The following XPA variants were observed in gnomAD, a reference collection of about 807,000 sequenced individuals.
The protein encoded by XPA is XPA, DNA damage recognition and repair factor, also known as DNA repair protein complementing XP-A cells.
A neutral mutation model predicts 35.7 loss-of-function variants in XPA; 27 were observed. The observed-to-expected ratio is 0.76, with a 90% CI of 0.56 to 1.04. The LOEUF is 1.04. XPA is among the 50% of genes least tolerant of loss of function. The probability of loss-of-function intolerance (pLI) is 0.00; values close to 1 mark genes in which losing one functional copy is unlikely to be tolerated. For synonymous variants in XPA, 133 were observed against 118.4 expected, an observed-to-expected ratio of 1.12 and a Z score of -0.80; for missense variants, 354 against 342.7, an observed-to-expected ratio of 1.03 and a Z score of -0.26.
the XPA span, chr9:97,661,919 C>T: frequency 1.9e-6 from 1 of 534,500 alleles, no homozygotes; most frequent in Non-Finnish European, 3.1e-6. Context: ...TTTATTAGAA[C>T]CAAAAAACAT....
At chr9:97,674,885 G>T (rs772451254), downstream of XPA, 2 of 480,440 alleles carry the variant, frequency 4.2e-6, no homozygotes, top group Non-Finnish European at 8.2e-6. Flanking sequence ...CACAATAGAG[G>T]CCCCAAGAGT....
intron 3 of XPA, among the ~76,000 whole-genome samples, chr9:97,688,833 C>A (rs1030024244): frequency 6.6e-6 from 1 of 152,114 alleles, no homozygotes; most frequent in Non-Finnish European, 1.5e-5. Flanking sequence ...GTCCTTCAGG[C>A]AGGTGAGGAG....
the XPA span, among the ~76,000 whole-genome samples, chr9:97,663,905 G>C: frequency 6.6e-6 from 1 of 151,858 alleles, no homozygotes; most frequent in Non-Finnish European, 1.5e-5. Context: ...CAGGCCAGGC[G>C]TGGTGGCTCT....
chr9:97,679,896 A>G (rs927842078), intron 5 of XPA, among the ~76,000 whole-genome samples: 3 of 152,192 alleles, frequency 2.0e-5, no homozygotes, highest in African/African-American at 7.2e-5. Context: ...AAGTATTCCT[A>G]CCAAAAACAT....
At chr9:97,673,679 CA>C (rs1239523697), downstream of XPA, 2 of 152,206 alleles carry the variant, frequency 1.3e-5, no homozygotes, top group Non-Finnish European at 1.5e-5. Context: ...TGTCACTGTA[CA>C]TCATACCTTG....
chr9:97,692,252 T>C (rs965496011), intron 2 of XPA, among the ~76,000 whole-genome samples: 2 of 151,444 alleles, frequency 1.3e-5, no homozygotes, highest in South Asian at 2.1e-4. Flanking sequence ...GATCGCACCA[T>C]TACACTCCAG....
In XPA at chr9:97,684,937, T is replaced by C. The variant is rs573963700; in HGVS notation, c.659A>G (p.Asp220Gly). 1.9e-6 allele frequency: 3 copies of C among 1,613,456 alleles called. No homozygotes were observed. In the South Asian group the frequency reaches 3.3e-5, roughly 18 times the overall value. ...NREKMKQKKF[D>G]KKVKELRRAV... ...TGGCCATCTACCTTTTACTTTTTTA[T>C]CAAATTTCTTCTGTTTCATTTTTTC... Residue 220 changes from aspartate to glycine, a missense_variant, in exon 5 of 6, where the codon GAT (aspartate) becomes GGT (glycine). By Grantham distance (94) the Asp-to-Gly change is moderately conservative. Transcript: ENST00000375128.
chr9:97,658,712 C>G, the XPA span: 23 of 1,611,750 alleles, frequency 1.4e-5, no homozygotes, highest in Admixed American at 3.0e-4. Flanking sequence ...CAAACCCAAC[C>G]TGCATTTACA....
chr9:97,675,351 C>CTTTTTTTTTTTTT lies in XPA; in HGVS notation c.*87_*88insAAAAAAAAAAAAA, dbSNP rs750807332. The CTTTTTTTTTTTTT allele has an allele frequency of 2.5e-6, 3 of 1,187,436 alleles. No individual in the cohort carries two copies. The highest frequency in any genetic ancestry group is 3.4e-6 in the Non-Finnish European group (3 of 870,288). The allele number at this position is 1,187,436 out of a possible 1,614,324, so 73.6% of individuals were successfully genotyped here. On this transcript the variant is annotated 3_prime_UTR_variant, in exon 6 of 6. Coordinates refer to ENST00000375128, the MANE Select transcript of XPA (RefSeq NM_000380.4). ...GTTTCATTCATCTATGAAGATGTTG[C>CTTTTTTTTTTTTT]TTTTTTTTTTGAATTTTGAAAAGGA...
chr9:97,655,192 T>C, the XPA span, among the ~76,000 whole-genome samples: 1 of 152,232 alleles, frequency 6.6e-6, no homozygotes, highest in Non-Finnish European at 1.5e-5. Context: ...CTCTGCCATT[T>C]ATAAAATGTT....
At chr9:97,675,756 AACTT>A (rs548027430) in intron 5 of XPA, 169 bp from the exon 6 acceptor site, 2 of 853,676 alleles carry the variant, frequency 2.3e-6, no homozygotes, top group South Asian at 3.2e-5. Flanking sequence ...AAACTTGGCA[AACTT>A]ACTTTCTTAC....
At chr9:97,668,746 C>A in the XPA span, 1 of 1,336,680 alleles carries the variant, frequency 7.5e-7, no homozygotes, top group Non-Finnish European at 1.0e-6. Flanking sequence ...GAATATAAGT[C>A]TTAACATTTG....
rs1328445396 is a variant in XPA at position 97,683,661 on chromosome 9, G to C, written c.673+1262C>G. ...TAAAATGTTGCTGATGATTGTCTCT[G>C]AGTAGGAAAATCATGCAATAAGAGC... On this transcript the variant is annotated intron_variant, in intron 5 of 5. Coordinates refer to ENST00000375128, the MANE Select transcript of XPA (RefSeq NM_000380.4). Among the ~76,000 whole-genome samples, 6 of 152,108 alleles carry C rather than the reference G, an allele frequency of 3.9e-5. No homozygotes were observed. In the East Asian group the frequency reaches 1.2e-3, roughly 29 times the overall value.
intron 2 of XPA, among the ~76,000 whole-genome samples, chr9:97,692,584 A>G (rs760409550): frequency 7.9e-5 from 12 of 152,230 alleles, no homozygotes; most frequent in African/African-American, 2.4e-4. Context: ...AGAAATACCA[A>G]TTAGGAAGCT....
At chr9:97,655,980 A>T in the XPA span, 1 of 1,579,970 alleles carries the variant, frequency 6.3e-7, no homozygotes, top group East Asian at 2.2e-5. Flanking sequence ...GATTATATGT[A>T]AGCATTGATA....
intron 5 of XPA, among the ~76,000 whole-genome samples, chr9:97,678,096 G>A (rs1350321154): frequency 1.3e-5 from 2 of 152,276 alleles, no homozygotes; most frequent in Middle Eastern, 3.4e-3. Context: ...GCAGAAAGGA[G>A]TGCTCAAGAA....
chr9:97,685,020 T>C lies in XPA; in HGVS notation c.576A>G (p.Glu192=). 1 of 1,613,560 alleles carries C rather than the reference T, an allele frequency of 6.2e-7. No homozygotes were observed. The highest frequency in any genetic ancestry group is 1.1e-5 in the South Asian group (1 of 91,064). ...CTAATGCTTCTTGACTACCCCAAAC[T>C]TCAAGAGACCTCTTCACAATCTACA... The part of the protein sequence containing the change: ...LKLQIVKRSL[E]VWGSQEALEE... Residue 192 remains glutamate (E), a synonymous_variant, in exon 5 of 6, where the codon GAA becomes GAG. Coordinates refer to ENST00000375128, the MANE Select transcript of XPA (RefSeq NM_000380.4).
intron 5 of XPA, among the ~76,000 whole-genome samples, chr9:97,683,510 T>TA (rs1828609808): frequency 1.3e-5 from 2 of 152,188 alleles, no homozygotes; most frequent in Admixed American, 1.3e-4. Context: ...AGTAACTATA[T>TA]AAAAAGATGT....
Position 97,697,175 on chromosome 9 carries a change from G to A in XPA, c.118C>T (p.Gln40Ter). 6.3e-7 allele frequency: 1 copy of A among 1,588,560 alleles called. No individual in the cohort carries two copies. Among genetic ancestry groups the A allele is most frequent in the Non-Finnish European group, 8.5e-7 (1 of 1,171,636 alleles). The change falls in exon 1 of 6, where the codon CAG (glutamine) becomes TAG (stop). Residue 40 changes from glutamine to a stop codon, truncating the protein, a stop_gained. Coordinates refer to ENST00000375128, the MANE Select transcript of XPA (RefSeq NM_000380.4). LOFTEE classifies it high-confidence loss of function. ...RKRQRALMLR[Q>*]ARLAARPYSA... ...TAGGGCCGGGCAGCCAGCCGGGCCTGGCGCAGCATCAGTGCCCGCTGCCGC... is the reference window on the plus strand; with the variant it reads ...TAGGGCCGGGCAGCCAGCCGGGCCTAGCGCAGCATCAGTGCCCGCTGCCGC...
Sources: allele counts gnomAD v4.1 joint callset (sites outside exome capture counted in the v4.1 genomes callset), GRCh38; gene constraint gnomAD v4.1.1; transcripts MANE v1.5; gene names NCBI Gene and HGNC (gene_info 2026-07-23, HGNC 2026-07-21).